GRM7: variants seen among roughly 807,000 people sequenced by gnomAD.
GRM7 encodes metabotropic glutamate receptor 7.
GRM7 carries 35 observed loss-of-function variants against 84.5 expected under a neutral mutation model. That is an observed-to-expected ratio of 0.41 (90% CI 0.32 to 0.55). GRM7 has a LOEUF of 0.55. Ranked by LOEUF, GRM7 falls within the 20% of genes least tolerant of loss-of-function variation. GRM7 has a pLI of 0.19. For missense variants in GRM7, 1,003 were observed against 1,194.6 expected (o/e 0.84, Z 2.36); for synonymous variants, 487 against 455.1 (o/e 1.07, Z -0.89).
intron 1 of GRM7, among the ~76,000 whole-genome samples, chr3:7,066,308 C>T (rs1229193319): frequency 2.0e-5 from 3 of 151,700 alleles, no homozygotes; most frequent in Admixed American, 6.6e-5. Context: ...GAGAGAAAAT[C>T]CAACTAACCT....
intron 6 of GRM7, among the ~76,000 whole-genome samples, chr3:7,460,975 T>C (rs768926949): frequency 5.9e-5 from 9 of 152,158 alleles, no homozygotes; most frequent in South Asian, 2.1e-4. Context: ...AAATGAGAGA[T>C]TGAGAAAGAA....
chr3:7,369,869 A>C (rs1694060680), intron 4 of GRM7, among the ~76,000 whole-genome samples: 1 of 152,150 alleles, frequency 6.6e-6, no homozygotes, highest in Admixed American at 6.6e-5. Context: ...ATTCTTTTGA[A>C]TAGCATAACC....
chr3:7,171,763 C>T (rs1408625706), intron 2 of GRM7, among the ~76,000 whole-genome samples: 7 of 152,110 alleles, frequency 4.6e-5, no homozygotes, highest in East Asian at 1.9e-4. Flanking sequence ...ATGAGAACTT[C>T]GATTTAGAAA....
At chr3:6,964,840 C>T (rs770946416) in intron 1 of GRM7, among the ~76,000 whole-genome samples, 8 of 152,170 alleles carry the variant, frequency 5.3e-5, no homozygotes, top group Admixed American at 6.5e-5. Context: ...ACAGCAATGC[C>T]GTTAGCGTTC....
At chr3:7,414,967 C>G in intron 4 of GRM7, 56 bp from the exon 5 acceptor site, 1 of 1,380,072 alleles carries the variant, frequency 7.2e-7, no homozygotes, top group Non-Finnish European at 9.7e-7. Flanking sequence ...ATTTTTATTT[C>G]TGAATGTGCC....
chr3:7,039,092 C>G (rs950873792), intron 1 of GRM7, among the ~76,000 whole-genome samples: 1 of 152,186 alleles, frequency 6.6e-6, no homozygotes, highest in African/African-American at 2.4e-5. Context: ...TTTATACCTA[C>G]TACCTCATGT....
At chr3:7,076,206 A>G (rs1205738648) in intron 1 of GRM7, among the ~76,000 whole-genome samples, 1 of 152,180 alleles carries the variant, frequency 6.6e-6, no homozygotes, top group Admixed American at 6.5e-5. Flanking sequence ...CAAATACACA[A>G]TTTAAACAGA....
At chr3:7,686,928 A>G (rs1700609280) in intron 9 of GRM7, among the ~76,000 whole-genome samples, 1 of 152,200 alleles carries the variant, frequency 6.6e-6, no homozygotes, top group Admixed American at 6.6e-5. Flanking sequence ...CATTCCTAAA[A>G]AAGTATCCAT....
chr3:7,022,902 G>A (rs1695832365), intron 1 of GRM7, among the ~76,000 whole-genome samples: 1 of 152,146 alleles, frequency 6.6e-6, no homozygotes, highest in Non-Finnish European at 1.5e-5. Flanking sequence ...GAGGAGGCAG[G>A]CAGTAGTCAG....
intron 5 of GRM7, among the ~76,000 whole-genome samples, chr3:7,452,013 C>A (rs1697789809): frequency 6.6e-6 from 1 of 152,004 alleles, no homozygotes; most frequent in Non-Finnish European, 1.5e-5. Context: ...CATAAAGAGG[C>A]CATTGGTGGA....
intron 1 of GRM7, among the ~76,000 whole-genome samples, chr3:7,079,169 A>G (rs1051483980): frequency 6.6e-6 from 1 of 152,096 alleles, no homozygotes; most frequent in African/African-American, 2.4e-5. Context: ...TTTGGTTGTT[A>G]ACCATAATTA....
At chr3:6,940,341 C>A (rs772393786) in intron 1 of GRM7, among the ~76,000 whole-genome samples, 1 of 152,162 alleles carries the variant, frequency 6.6e-6, no homozygotes, top group Non-Finnish European at 1.5e-5. Context: ...CTGCCCATCT[C>A]GGCCTCCGAA....
intron 9 of GRM7, among the ~76,000 whole-genome samples, chr3:7,712,694 A>G (rs1701625820): frequency 6.6e-6 from 1 of 150,412 alleles, no homozygotes; most frequent in Non-Finnish European, 1.5e-5. Context: ...TAAGATCTAC[A>G]CACTTAGCAA....
At chr3:7,471,208 T>TAAA (rs34317607) in intron 7 of GRM7, among the ~76,000 whole-genome samples, 1 of 148,630 alleles carries the variant, frequency 6.7e-6, no homozygotes. Context: ...ATTGCTGCTG[T>TAAA]AAAAAAAAAA....
intron 1 of GRM7, among the ~76,000 whole-genome samples, chr3:6,881,665 G>A (rs1034683537): frequency 7.0e-6 from 1 of 143,846 alleles, no homozygotes; most frequent in Non-Finnish European, 1.6e-5. Context: ...AGACATTCAT[G>A]CAGCAAACAA....
intron 7 of GRM7, among the ~76,000 whole-genome samples, chr3:7,558,263 G>A (rs1693861938): frequency 6.6e-6 from 1 of 152,084 alleles, no homozygotes; most frequent in Non-Finnish European, 1.5e-5. Flanking sequence ...TTTTAATGAG[G>A]ATTAGAGATA....
chr3:6,950,524 G>A (rs1187283873), intron 1 of GRM7, among the ~76,000 whole-genome samples: 1 of 152,248 alleles, frequency 6.6e-6, no homozygotes, highest in African/African-American at 2.4e-5. Flanking sequence ...TGAGGAGCCA[G>A]TCTGCCCGTT....
chr3:6,876,841 A>T lies in GRM7; in HGVS notation c.519+14934A>T, dbSNP rs549357818. Among the ~76,000 whole-genome samples the T allele has an allele frequency of 1.0e-3, 157 of 152,148 alleles. 1 individual carries two copies. The highest frequency in any genetic ancestry group is 1.7e-3 in the Non-Finnish European group (116 of 68,006). On this transcript the variant is annotated intron_variant, in intron 1 of 9. Transcript: ENST00000357716. ...GGTCTCAAACTCCTGACCTCAGATG[A>T]TCCACCTGCTTCAGCCTTCCAAAGT... is the stretch of plus-strand genomic sequence containing the variant.
chr3:7,694,079 G>C (rs1191790518), intron 9 of GRM7, among the ~76,000 whole-genome samples: 1 of 152,080 alleles, frequency 6.6e-6, no homozygotes, highest in Non-Finnish European at 1.5e-5. Context: ...GGGGGGTTCT[G>C]ACCCATTCCC....
Sources: gnomAD v4.1 joint callset for allele counts (sites outside exome capture counted in the v4.1 genomes callset) on GRCh38, gnomAD v4.1.1 for gene constraint, MANE v1.5 for transcripts, NCBI Gene and HGNC (gene_info 2026-07-23, HGNC 2026-07-21) for gene names.